GRAMD4: variants seen among roughly 807,000 people sequenced by gnomAD.
GRAMD4 encodes the protein GRAM domain containing 4.
In GRAMD4, 25 loss-of-function variants were observed where a neutral mutation model predicts 83.9. The ratio of observed to expected loss-of-function variants is 0.30; its 90% CI spans 0.22 to 0.42. GRAMD4 has a LOEUF of 0.42. Ranked by LOEUF, GRAMD4 falls within the 10% of genes least tolerant of loss-of-function variation. GRAMD4 has a pLI of 1.00. For missense variants in GRAMD4, 593 were observed against 788.7 expected, an observed-to-expected ratio of 0.75 and a Z score of 2.97; for synonymous variants, 336 against 320.9, an observed-to-expected ratio of 1.05 and a Z score of -0.50.
At position 46,675,569 on chromosome 22, in the gene GRAMD4, A is replaced by T; in HGVS notation, c.1563+17A>T. On this transcript the variant is annotated intron_variant, in intron 17 of 18. Coordinates refer to ENST00000406902, the MANE Select transcript of GRAMD4 (RefSeq NM_015124.5). Reference sequence around the variant, plus strand: ...ATCCAGAAGGTTGGTGCACCTACCCACCCCCACTAACCCCCGTGTTTTCTT... The same window carrying T: ...ATCCAGAAGGTTGGTGCACCTACCCTCCCCCACTAACCCCCGTGTTTTCTT... 6.9e-7 allele frequency: 1 copy of T among 1,458,884 alleles called. No individual in the cohort carries two copies. Among genetic ancestry groups the T allele is most frequent in the Non-Finnish European group, 9.6e-7 (1 of 1,038,800 alleles). The allele number at this position is 1,458,884 out of a possible 1,614,324, so 90.4% of individuals were successfully genotyped here. A position where few individuals can be genotyped will look rare whatever the true frequency, so the allele number is the denominator to read the frequency against.
At chr22:46,616,533 T>TAGGTTCCCCCGTGTGTGC (rs1383199179), upstream of GRAMD4, among the ~76,000 whole-genome samples, 20 of 147,510 alleles carry the variant, frequency 1.4e-4, no homozygotes, top group Non-Finnish European at 2.7e-4. Flanking sequence ...CCCCCTTGTG[T>TAGGTTCCCCCGTGTGTGC]AGGTTCCCCC....
intron 1 of GRAMD4, among the ~76,000 whole-genome samples, chr22:46,594,572 AC>A (rs1206952997): frequency 1.0e-5 from 1 of 97,168 alleles, no homozygotes; most frequent in Non-Finnish European, 2.1e-5. Context: ...GTGGTGAGGG[AC>A]CTCTGGTTGG....
intron 3 of GRAMD4, among the ~76,000 whole-genome samples, chr22:46,647,859 C>A (rs1036641914): frequency 6.6e-6 from 1 of 152,240 alleles, no homozygotes; most frequent in Non-Finnish European, 1.5e-5. Flanking sequence ...TGGGCTCTCT[C>A]GTGGCACATG....
chr22:46,665,769 T>A, intron 9 of GRAMD4, 63 bp downstream of exon 9: 1 of 906,496 alleles, frequency 1.1e-6, no homozygotes, highest in Non-Finnish European at 1.8e-6. Context: ...GCTGTCTCCC[T>A]GCGTCTCACA....
intron 3 of GRAMD4, among the ~76,000 whole-genome samples, chr22:46,646,589 G>A (rs949044974): frequency 5.1e-4 from 77 of 152,220 alleles, no homozygotes; most frequent in African/African-American, 1.6e-3. Flanking sequence ...CCCTGCTGGC[G>A]GGGGTGTCCT....
In GRAMD4 at chr22:46,668,629, C is replaced by T. The variant is rs894233967; in HGVS notation, c.931-60C>T. The stretch of plus-strand genomic sequence containing the variant: ...CGACCTGGAGGCCCTCCTGGCGTCG[C>T]GGTGTGACTGACAGCCCAGGAGCGG... On this transcript the variant is annotated intron_variant, in intron 11 of 18. Coordinates refer to ENST00000406902, the MANE Select transcript of GRAMD4 (RefSeq NM_015124.5). 3.1e-5 allele frequency: 46 copies of T among 1,505,256 alleles called. No individual in the cohort carries two copies. In the South Asian group the frequency reaches 3.1e-4, roughly 10 times the overall value. 93.2% of individuals were successfully genotyped at this position (1,505,256 alleles called of 1,614,324 possible).
chr22:46,661,281 C>T, intron 4 of GRAMD4, 100 bp from the exon 5 acceptor site: 2 of 853,384 alleles, frequency 2.3e-6, no homozygotes, highest in Non-Finnish European at 4.0e-6. Flanking sequence ...CCTGACCTCT[C>T]CTGTGCAGTA....
chr22:46,671,128 C>T (rs2082497029), intron 13 of GRAMD4: 2 of 468,642 alleles, frequency 4.3e-6, no homozygotes, highest in African/African-American at 2.0e-5. Flanking sequence ...GACTTGGGCT[C>T]TCTTGAGCTG....
intron 3 of GRAMD4, among the ~76,000 whole-genome samples, chr22:46,652,221 GAGA>G (rs2147296034): frequency 6.6e-6 from 1 of 152,278 alleles, no homozygotes; most frequent in South Asian, 2.1e-4. Context: ...CAAAGGTTCT[GAGA>G]AGGAGATGGC....
chr22:46,663,217 G>A (rs746379946), intron 6 of GRAMD4, 45 bp downstream of exon 6: 33 of 1,580,338 alleles, frequency 2.1e-5, no homozygotes, highest in South Asian at 6.7e-5. Context: ...TAGGGGCCCC[G>A]GTCCCTGGGC....
Position 46,668,899 on chromosome 22 carries a change from C to A in GRAMD4, c.1075C>A (p.Leu359Ile). ...SCFFPYRLVG[L>I]AVGLYAGIKF... ...CTTCTTCCCCTACCGCCTGGTGGGG[C>A]TTGCCGTGGGTAAGTAGATGCACCT... The change falls in exon 13 of 19, where the codon CTT becomes ATT. Residue 359 changes from leucine (L) to isoleucine (I), a missense_variant. Around this residue, in one of 4 missense-constraint regions of GRAMD4, gnomAD observed 171 missense variants for 199.6 expected, o/e 0.86. Transcript: ENST00000406902. The A allele has an allele frequency of 6.3e-7, 1 of 1,595,722 alleles. No individual in the cohort carries two copies. Among genetic ancestry groups the A allele is most frequent in the East Asian group, 2.2e-5 (1 of 44,792 alleles).
intron 1 of GRAMD4, among the ~76,000 whole-genome samples, chr22:46,625,985 G>A (rs1601586506): frequency 6.6e-6 from 1 of 152,394 alleles, no homozygotes; most frequent in East Asian, 1.9e-4. Context: ...TGGGACAGGA[G>A]GCCCAGCTGG....
chr22:46,636,447 A>G (rs1453057094), intron 2 of GRAMD4, among the ~76,000 whole-genome samples: 2 of 152,218 alleles, frequency 1.3e-5, no homozygotes, highest in East Asian at 3.8e-4. Context: ...GGGCACCCAG[A>G]ACGGGGCAGC....
At chr22:46,600,150 C>A (rs1370925814) in intron 1 of GRAMD4, among the ~76,000 whole-genome samples, 3 of 152,150 alleles carry the variant, frequency 2.0e-5, no homozygotes, top group Non-Finnish European at 4.4e-5. Context: ...GCTGGTGACA[C>A]CTGTGCCCTT....
intron 13 of GRAMD4, among the ~76,000 whole-genome samples, chr22:46,670,797 G>A (rs1031157189): frequency 1.3e-5 from 2 of 152,120 alleles, no homozygotes; most frequent in African/African-American, 4.8e-5. Flanking sequence ...ATAGAGACGA[G>A]GTTTCACCAT....
At chr22:46,653,361 C>T (rs191023778) in intron 3 of GRAMD4, among the ~76,000 whole-genome samples, 81 of 152,322 alleles carry the variant, frequency 5.3e-4, no homozygotes, top group African/African-American at 1.9e-3. Context: ...TCACATTTGT[C>T]AGGGCTCTGC....
At chr22:46,618,546 G>A (rs1037744121), upstream of GRAMD4, among the ~76,000 whole-genome samples, 1 of 152,146 alleles carries the variant, frequency 6.6e-6, no homozygotes, top group African/African-American at 2.4e-5. This position sits in a 1 kb window ranked among gnomAD's most constrained non-coding sequence, Gnocchi z 5.8. Flanking sequence ...TGAGGGTGTC[G>A]GGGGAGCAGC....
chr22:46,607,179 G>A (rs755619636), intron 1 of GRAMD4, among the ~76,000 whole-genome samples: 15 of 142,346 alleles, frequency 1.1e-4, no homozygotes, highest in Non-Finnish European at 2.3e-4. Flanking sequence ...CCTTTCCTGA[G>A]CCACAGTTCC....
At chr22:46,674,431 C>G (rs1302150540) in intron 15 of GRAMD4, among the ~76,000 whole-genome samples, 1 of 152,224 alleles carries the variant, frequency 6.6e-6, no homozygotes, top group Non-Finnish European at 1.5e-5. Flanking sequence ...TGCCTGGGTG[C>G]TTTTACTTTA....
Sources: gnomAD v4.1 joint callset for allele counts (sites outside exome capture counted in the v4.1 genomes callset) on GRCh38, gnomAD v4.1.1 for gene constraint, gnomAD v4.1.1 regional missense constraint, Gnocchi (gnomAD v3.1) non-coding constraint, MANE v1.5 for transcripts, NCBI Gene and HGNC (gene_info 2026-07-23, HGNC 2026-07-21) for gene names.